REV1: variants seen among roughly 807,000 people sequenced by gnomAD.
REV1 encodes translesion synthesis protein REV1.
REV1 carries 42 observed loss-of-function variants against 137.4 expected under a neutral mutation model. The observed-to-expected ratio is 0.31, with a 90% CI of 0.24 to 0.40. REV1 has a LOEUF of 0.40. Ranked by LOEUF, REV1 falls within the 10% of genes least tolerant of loss-of-function variation. The probability of loss-of-function intolerance (pLI) is 1.00; values close to 1 mark genes in which losing one functional copy is unlikely to be tolerated. For synonymous variants in REV1, 524 were observed against 519.2 expected, an observed-to-expected ratio of 1.01 and a Z score of -0.12; for missense variants, 1,282 against 1,490.1, an observed-to-expected ratio of 0.86 and a Z score of 2.30.
chr2:99,479,687 C>T (rs147561775), intron 1 of REV1, among the ~76,000 whole-genome samples: 1,991 of 151,874 alleles, frequency 0.013, 44 homozygotes, highest in African/African-American at 0.046. Context: ...AGTCAGGAGG[C>T]TGAGGTGGGA....
chr2:99,471,152 T>C (rs562979789), intron 1 of REV1, among the ~76,000 whole-genome samples: 1 of 152,282 alleles, frequency 6.6e-6, no homozygotes, highest in East Asian at 1.9e-4. Flanking sequence ...CAATTTGCCT[T>C]TGGTGCCCTG....
intron 1 of REV1, among the ~76,000 whole-genome samples, chr2:99,475,199 G>A (rs1316147476): frequency 6.6e-6 from 1 of 152,170 alleles, no homozygotes; most frequent in Non-Finnish European, 1.5e-5. Context: ...AACCTGATGC[G>A]TCCATCATAC....
At chr2:99,429,751 C>CA (rs1679874208) in intron 9 of REV1, 89 bp downstream of exon 9, 9 of 808,086 alleles carry the variant, frequency 1.1e-5, no homozygotes, top group Middle Eastern at 3.2e-4. Context: ...ACATTTAAAT[C>CA]CACTTCAAAA....
rs1559401827 is a variant in REV1, at chr2:99,468,816, A to G, written c.-10-3831T>C. 2.0e-5 allele frequency among the ~76,000 whole-genome samples: 3 copies of G among 152,354 alleles called. No homozygotes were observed. The East Asian group carries it at 5.8e-4, about 29-fold the overall frequency. On this transcript the variant is annotated intron_variant, in intron 1 of 22. Transcript: ENST00000258428. ...AACATTTAGGGTACACCTTCAATAA[A>G]CATTAACTACTGTTATAGTAATCTA... is the stretch of plus-strand genomic sequence containing the variant.
intron 5 of REV1, among the ~76,000 whole-genome samples, chr2:99,441,493 T>A (rs1681486063): frequency 6.6e-6 from 1 of 151,686 alleles, no homozygotes. Flanking sequence ...CCACATGGAA[T>A]AGTCTAGATT....
rs1687529757 is a variant in REV1 at position 99,489,920 on chromosome 2, G to T, written c.-114C>A. 1 of 149,238 alleles carries T rather than the reference G, an allele frequency of 6.7e-6. No homozygotes were observed. Among genetic ancestry groups the T allele is most frequent in the African/African-American group, 2.4e-5 (1 of 40,874 alleles). 9.2% of individuals were successfully genotyped at this position (149,238 alleles called of 1,614,324 possible). On this transcript the variant is annotated 5_prime_UTR_variant, in exon 1 of 23. Transcript: ENST00000258428. The stretch of plus-strand genomic sequence containing the variant: ...AGTGCCCTCGCCAGGGACCAGGGAG[G>T]AGGGCCGGGGGAAGGCAGCCCCACC...
In REV1 at chr2:99,435,903, A is replaced by G. The variant is rs1394985616; in HGVS notation, c.1252T>C (p.Cys418Arg). ...CAATCCATATCAACATGCATTATAC[A>G]GCTCTGATGTCTGGGAGAATTCAAT... ...SVLNSPRHQS[C>R]IMHVDMDCFF... The change falls in exon 7 of 23, where the codon TGT becomes CGT. Residue 418 changes from cysteine to arginine, a missense_variant. Cys to Arg is a radical substitution (Grantham distance 180). Transcript: ENST00000258428. The G allele has an allele frequency of 6.2e-7, 1 of 1,607,730 alleles. No individual in the cohort carries two copies. Among genetic ancestry groups the G allele is most frequent in the Non-Finnish European group, 8.5e-7 (1 of 1,175,122 alleles).
chr2:99,448,589 T>TA (rs1241065442), intron 4 of REV1, among the ~76,000 whole-genome samples: 1 of 152,228 alleles, frequency 6.6e-6, no homozygotes, highest in Admixed American at 6.5e-5. Context: ...ATTATCTTGA[T>TA]GTATTACCAT....
intron 1 of REV1, among the ~76,000 whole-genome samples, chr2:99,483,132 G>T (rs866681416): frequency 6.6e-6 from 1 of 151,202 alleles, no homozygotes; most frequent in Admixed American, 6.6e-5. Flanking sequence ...AAAAAAAAAG[G>T]CTTAAAATAA....
intron 13 of REV1, among the ~76,000 whole-genome samples, chr2:99,412,257 CAAAAAAAAAAAAAA>C (rs1160440580): frequency 7.5e-5 from 4 of 53,028 alleles, no homozygotes; most frequent in Non-Finnish European, 1.4e-4. Context: ...GACTCCATCT[CAAAAAAAAAAAAAA>C]AAAAAAAAAA....
At chr2:99,417,906 T>C (rs868608581) in intron 12 of REV1, among the ~76,000 whole-genome samples, 33 of 152,258 alleles carry the variant, frequency 2.2e-4, no homozygotes, top group African/African-American at 4.6e-4. Flanking sequence ...GCTAGTTTGA[T>C]TTTATAAAGT....
intron 14 of REV1, among the ~76,000 whole-genome samples, chr2:99,410,271 A>G (rs918031766): frequency 6.6e-6 from 1 of 152,154 alleles, no homozygotes; most frequent in South Asian, 2.1e-4. Context: ...TCAGCCTCCC[A>G]AAGTGCTGGG....
chr2:99,453,195 C>T (rs1683117497), intron 3 of REV1, among the ~76,000 whole-genome samples: 1 of 151,894 alleles, frequency 6.6e-6, no homozygotes, highest in African/African-American at 2.4e-5. Context: ...CCCGTCTCTA[C>T]TAAAAATACA....
intron 4 of REV1, among the ~76,000 whole-genome samples, chr2:99,447,947 C>A (rs560808418): frequency 6.6e-6 from 1 of 151,300 alleles, no homozygotes; most frequent in Admixed American, 6.6e-5. Flanking sequence ...CTGCCCACCT[C>A]GGCCTCCCAA....
chr2:99,409,154 A>G (rs939552664), intron 14 of REV1, among the ~76,000 whole-genome samples: 37 of 152,358 alleles, frequency 2.4e-4, no homozygotes, highest in African/African-American at 8.9e-4. Context: ...ACCACTATTT[A>G]CTATTTGAGA....
At chr2:99,449,014 C>A (rs764584016) in intron 4 of REV1, among the ~76,000 whole-genome samples, 7 of 152,106 alleles carry the variant, frequency 4.6e-5, no homozygotes, top group Non-Finnish European at 7.3e-5. Flanking sequence ...AAAGGCCATG[C>A]GCAGTGGTTG....
Position 99,479,973 on chromosome 2 carries a change from G to A in REV1, c.-11+9844C>T, listed in dbSNP as rs114926225. On this transcript the variant is annotated intron_variant, in intron 1 of 22. Coordinates refer to ENST00000258428, the MANE Select transcript of REV1 (RefSeq NM_016316.4). Reference sequence around the variant, plus strand: ...TAGAAGGTAGGATAGAAGGTAGGTGGGAAGGGGTGACATGAAGGCAAAGAT... The same window carrying A: ...TAGAAGGTAGGATAGAAGGTAGGTGAGAAGGGGTGACATGAAGGCAAAGAT... Among the ~76,000 whole-genome samples, 1,274 of 152,142 alleles carry A rather than the reference G, an allele frequency of 8.4e-3. 22 individuals are homozygous for A. Among genetic ancestry groups the A allele is most frequent in the African/African-American group, 0.029 (1,206 of 41,486 alleles).
chr2:99,424,647 T>G, intron 9 of REV1: 1 of 761,414 alleles, frequency 1.3e-6, no homozygotes, highest in African/African-American at 1.8e-5. Flanking sequence ...CAAAAAGAGG[T>G]TTTCTTCCCC....
At chr2:99,434,210 C>A in intron 8 of REV1, 122 bp downstream of exon 8, 1 of 532,800 alleles carries the variant, frequency 1.9e-6, no homozygotes, top group Non-Finnish European at 3.3e-6. Flanking sequence ...TCCTTAAAAC[C>A]CCTGAATGAA....
Sources: gnomAD v4.1 joint callset for allele counts (sites outside exome capture counted in the v4.1 genomes callset) on GRCh38, gnomAD v4.1.1 for gene constraint, MANE v1.5 for transcripts, NCBI Gene and HGNC (gene_info 2026-07-23, HGNC 2026-07-21) for gene names.